The following SLC39A8 variants were observed in gnomAD, a reference collection of about 807,000 sequenced individuals.
SLC39A8 encodes metal cation symporter ZIP8.
A neutral mutation model predicts 40.4 loss-of-function variants in SLC39A8; 15 were observed. The observed-to-expected ratio is 0.37, with a 90% CI of 0.25 to 0.57. SLC39A8 has a LOEUF of 0.57. Among genes scored for constraint, SLC39A8 ranks in the 20% least tolerant of loss-of-function variants. The probability of loss-of-function intolerance (pLI) is 0.75; values close to 1 mark genes in which losing one functional copy is unlikely to be tolerated. For missense variants in SLC39A8, 472 were observed against 558.8 expected, an observed-to-expected ratio of 0.84 and a Z score of 1.57; for synonymous variants, 223 against 221.6, an observed-to-expected ratio of 1.01 and a Z score of -0.06.
chr4:102,284,079 C>G (rs1733038559), intron 6 of SLC39A8, among the ~76,000 whole-genome samples: 1 of 152,172 alleles, frequency 6.6e-6, no homozygotes, highest in African/African-American at 2.4e-5. Context: ...TTTTAATTCC[C>G]TGCAGGACAT....
At chr4:102,290,079 C>T (rs1733354734) in intron 6 of SLC39A8, among the ~76,000 whole-genome samples, 1 of 151,334 alleles carries the variant, frequency 6.6e-6, no homozygotes, top group Admixed American at 6.6e-5. Context: ...TTTTAAAATA[C>T]TTCCACAGTC....
At chr4:102,329,352 G>A (rs189811425) in intron 2 of SLC39A8, among the ~76,000 whole-genome samples, 79 of 152,324 alleles carry the variant, frequency 5.2e-4, no homozygotes, top group African/African-American at 1.8e-3. Context: ...GCTGGGCACA[G>A]TGGCTCATGC....
intron 2 of SLC39A8, among the ~76,000 whole-genome samples, chr4:102,327,211 T>A (rs1017982618): frequency 1.3e-5 from 2 of 152,086 alleles, no homozygotes; most frequent in Admixed American, 1.3e-4. Flanking sequence ...CAGTGAGTCA[T>A]GATCGTGCCA....
chr4:102,309,538 C>A (rs1734334042), intron 3 of SLC39A8, among the ~76,000 whole-genome samples: 1 of 152,084 alleles, frequency 6.6e-6, no homozygotes, highest in Non-Finnish European at 1.5e-5. Context: ...GGTAGATCTA[C>A]ATGGAATTTC....
intron 6 of SLC39A8, among the ~76,000 whole-genome samples, chr4:102,280,221 T>C (rs757667909): frequency 8.5e-5 from 13 of 152,296 alleles, no homozygotes; most frequent in Admixed American, 4.6e-4. Flanking sequence ...TTCCCTTTGG[T>C]CATAGGTTGT....
chr4:102,257,047 G>T (rs184321518), downstream of SLC39A8, among the ~76,000 whole-genome samples: 32 of 152,188 alleles, frequency 2.1e-4, no homozygotes, highest in Non-Finnish European at 3.5e-4. Flanking sequence ...ACTAGGTACG[G>T]AAATTGAGAA....
At chr4:102,306,600 T>A (rs1578596966) in intron 4 of SLC39A8, among the ~76,000 whole-genome samples, 1 of 152,146 alleles carries the variant, frequency 6.6e-6, no homozygotes, top group East Asian at 1.9e-4. Context: ...CCTGAAATAC[T>A]ATTAATATTT....
intron 6 of SLC39A8, among the ~76,000 whole-genome samples, chr4:102,302,220 A>T (rs1184845085): frequency 6.6e-6 from 1 of 152,046 alleles, no homozygotes; most frequent in Non-Finnish European, 1.5e-5. Flanking sequence ...AAAATCTTCC[A>T]TCAGAGCAAG....
chr4:102,304,620 A>G (rs1734070610), intron 5 of SLC39A8, 139 bp from the exon 6 acceptor site: 1 of 668,110 alleles, frequency 1.5e-6, no homozygotes, highest in Admixed American at 3.5e-5. Flanking sequence ...ATTTTTAGAT[A>G]TATAAAATTT....
chr4:102,344,504 C>T lies in SLC39A8; in HGVS notation c.159G>A (p.Glu53=). The change falls in exon 2 of 9, where the codon GAG becomes GAA. Residue 53 remains glutamate, a synonymous_variant. Coordinates refer to ENST00000356736, the MANE Select transcript of SLC39A8 (RefSeq NM_001135146.2). ...CCACGCGGGAGGCGGCTCCCATCTGCTCCAGCAAGTGCTGGAGCTGCGCCG... is the reference window on the plus strand; with the variant it reads ...CCACGCGGGAGGCGGCTCCCATCTGTTCCAGCAAGTGCTGGAGCTGCGCCG... ...LSAAQLQHLL[E]QMGAASRVGV... The T allele has an allele frequency of 6.4e-7, 1 of 1,557,860 alleles. No individual in the cohort carries two copies. Among genetic ancestry groups the T allele is most frequent in the Non-Finnish European group, 8.7e-7 (1 of 1,151,822 alleles).
intron 2 of SLC39A8, among the ~76,000 whole-genome samples, chr4:102,321,696 T>A (rs1734974603): frequency 6.6e-6 from 1 of 152,162 alleles, no homozygotes; most frequent in Admixed American, 6.5e-5. Flanking sequence ...TTTGGCAGGA[T>A]GGTGGCAACT....
intron 3 of SLC39A8, among the ~76,000 whole-genome samples, chr4:102,308,569 G>A (rs1424164634): frequency 6.6e-6 from 1 of 152,102 alleles, no homozygotes; most frequent in East Asian, 1.9e-4. Context: ...TCACCTATGT[G>A]TGGGTGCAGG....
At chr4:102,307,775 T>C (rs1353750491) in intron 3 of SLC39A8, among the ~76,000 whole-genome samples, 170 bp from the exon 4 acceptor site, 2 of 152,026 alleles carry the variant, frequency 1.3e-5, no homozygotes, top group Non-Finnish European at 2.9e-5. Flanking sequence ...AATACAAATA[T>C]GGCATAGCAA....
At chr4:102,320,188 T>TATATATATACATATATATATATATAC in intron 2 of SLC39A8, among the ~76,000 whole-genome samples, 1 of 89,718 alleles carries the variant, frequency 1.1e-5, no homozygotes, top group South Asian at 3.7e-4. Flanking sequence ...TATATATATA[T>TATATATATACATATATATATATATAC]ATGTATATAT....
chr4:102,308,205 C>G (rs6848517), intron 3 of SLC39A8, among the ~76,000 whole-genome samples: 106,779 of 151,878 alleles, frequency 0.7, 38,797 homozygotes, highest in Middle Eastern at 0.85. Context: ...TCCTGGGAAT[C>G]AAAGTCAGTC....
At chr4:102,317,039 T>C (rs1478400199) in intron 2 of SLC39A8, among the ~76,000 whole-genome samples, 1 of 152,202 alleles carries the variant, frequency 6.6e-6, no homozygotes, top group Admixed American at 6.5e-5. Flanking sequence ...TCTCCAACTA[T>C]GAGAAAATAA....
intron 2 of SLC39A8, among the ~76,000 whole-genome samples, chr4:102,343,554 G>A (rs945108856): frequency 5.9e-5 from 9 of 152,224 alleles, no homozygotes; most frequent in South Asian, 2.1e-4. Flanking sequence ...AAAGCACTGA[G>A]TTAACTGAGT....
intron 6 of SLC39A8, among the ~76,000 whole-genome samples, chr4:102,283,782 A>G (rs1221837486): frequency 6.6e-6 from 1 of 152,246 alleles, no homozygotes; most frequent in Non-Finnish European, 1.5e-5. Context: ...AGGAATGCTT[A>G]CTTTGAAGAA....
intron 6 of SLC39A8, among the ~76,000 whole-genome samples, chr4:102,302,187 T>C (rs574089380): frequency 6.6e-6 from 1 of 152,046 alleles, no homozygotes; most frequent in Non-Finnish European, 1.5e-5. Flanking sequence ...AAAGTTATCT[T>C]GTTAACGCTG....
Sources: gnomAD v4.1 joint callset for allele counts (sites outside exome capture counted in the v4.1 genomes callset) on GRCh38, gnomAD v4.1.1 for gene constraint, MANE v1.5 for transcripts, NCBI Gene and HGNC (gene_info 2026-07-23, HGNC 2026-07-21) for gene names.